Variants in DTNA observed in about 807,000 individuals in gnomAD.
DTNA encodes the protein dystrobrevin alpha.
DTNA carries 43 observed loss-of-function variants against 100.7 expected under a neutral mutation model. The ratio of observed to expected loss-of-function variants is 0.43; its 90% CI spans 0.33 to 0.55. The LOEUF is 0.55. Among genes scored for constraint, DTNA ranks in the 20% least tolerant of loss-of-function variants. DTNA has a pLI of 0.04. For synonymous variants in DTNA, 349 were observed against 347.9 expected, an observed-to-expected ratio of 1.00 and a Z score of -0.04; for missense variants, 798 against 953.9, an observed-to-expected ratio of 0.84 and a Z score of 2.15.
At chr18:34,762,223 C>A (rs769746426) in intron 2 of DTNA, among the ~76,000 whole-genome samples, 4 of 152,124 alleles carry the variant, frequency 2.6e-5, no homozygotes, top group Non-Finnish European at 5.9e-5. Context: ...ACTGCTAGAT[C>A]AGAAAAATAC....
intron 1 of DTNA, among the ~76,000 whole-genome samples, chr18:34,618,766 A>G (rs903431802): frequency 2.6e-5 from 4 of 152,218 alleles, no homozygotes; most frequent in South Asian, 2.1e-4. Context: ...CTGACCCTCA[A>G]TAATGAGGAA....
At chr18:34,560,790 G>A (rs1016249466) in intron 1 of DTNA, among the ~76,000 whole-genome samples, 8 of 151,984 alleles carry the variant, frequency 5.3e-5, no homozygotes, top group African/African-American at 7.2e-5. Context: ...GCATAGTGGC[G>A]TGTGCCTATT....
chr18:34,526,004 T>C (rs1297149779), intron 1 of DTNA, among the ~76,000 whole-genome samples: 1 of 152,128 alleles, frequency 6.6e-6, no homozygotes, highest in Non-Finnish European at 1.5e-5. Context: ...GGCAGGTACA[T>C]CCCTGAACTC....
At chr18:34,755,526 GGT>G (rs2092710869) in intron 1 of DTNA, 1 of 196,506 alleles carries the variant, frequency 5.1e-6, no homozygotes, top group Non-Finnish European at 1.0e-5. Context: ...AAGCCATACT[GGT>G]CTTAGAATCC....
chr18:34,770,768 C>T (rs1381221270), intron 3 of DTNA, among the ~76,000 whole-genome samples: 1 of 146,650 alleles, frequency 6.8e-6, no homozygotes. Context: ...TGCATACTCC[C>T]AAGAAGAATT....
Position 34,620,020 on chromosome 18 carries a change from G to A in DTNA, c.-2+126506G>A, listed in dbSNP as rs1269105458. On this transcript the variant is annotated intron_variant, in intron 1 of 19. Coordinates refer to the DTNA transcript ENST00000283365. ...GACAGAATGGTTTTACCAAAACCAA[G>A]GGAAGAACTTTTTTCAGGGAGTACT... 3.3e-5 allele frequency among the ~76,000 whole-genome samples: 5 copies of A among 152,228 alleles called. No individual in the cohort carries two copies. In the South Asian group the frequency reaches 6.2e-4, roughly 19 times the overall value.
At chr18:34,627,515 T>C (rs1311433471) in intron 1 of DTNA, among the ~76,000 whole-genome samples, 3 of 152,172 alleles carry the variant, frequency 2.0e-5, no homozygotes, top group Non-Finnish European at 4.4e-5. Context: ...ATTCAAGATA[T>C]TAAGTTTAGG....
intron 1 of DTNA, among the ~76,000 whole-genome samples, chr18:34,684,652 G>A (rs2078615547): frequency 6.6e-6 from 1 of 151,988 alleles, no homozygotes; most frequent in African/African-American, 2.4e-5. Flanking sequence ...TAATCCTTTG[G>A]GTATATACCC....
rs553462480 is a variant in DTNA at position 34,670,888 on chromosome 18, C to T, written c.-1-85088C>T. 3.9e-5 allele frequency among the ~76,000 whole-genome samples: 6 copies of T among 152,320 alleles called. No individual in the cohort carries two copies. In the East Asian group the frequency reaches 1.2e-3, roughly 29 times the overall value. The stretch of plus-strand genomic sequence containing the variant: ...GGGGTCAGGGACCCACTTGAGGAGG[C>T]AGTCTGACCGTTCTCAGATCTCAAA... On this transcript the variant is annotated intron_variant, in intron 1 of 19. Transcript: ENST00000283365.
intron 15 of DTNA, among the ~76,000 whole-genome samples, chr18:34,852,382 T>G (rs1445886864): frequency 6.6e-6 from 1 of 151,570 alleles, no homozygotes; most frequent in Non-Finnish European, 1.5e-5. Flanking sequence ...TCTCCAAACA[T>G]CCAAAGATCT....
Position 34,867,938 on chromosome 18 carries a change from T to C in DTNA, c.1743+3876T>C, listed in dbSNP as rs141463558. ...ACCCAGATGTCAGCAATACATCGTC[T>C]GGGTAGTGGCAGAGTTTGCCTATTT... On this transcript the variant is annotated intron_variant, in intron 17 of 22. Transcript: ENST00000444659. 7,033 of 985,432 alleles carry C rather than the reference T, an allele frequency of 7.1e-3. 30 individuals carry two copies. Among genetic ancestry groups the C allele is most frequent in the Middle Eastern group, 0.024 (46 of 1,914 alleles). The allele number at this position is 985,432 out of a possible 1,614,324, so 61.0% of individuals were successfully genotyped here. A position where few individuals can be genotyped will look rare whatever the true frequency, so the allele number is the denominator to read the frequency against.
chr18:34,874,062 T>C (rs149504632), intron 17 of DTNA, among the ~76,000 whole-genome samples: 79 of 152,336 alleles, frequency 5.2e-4, no homozygotes, highest in African/African-American at 1.8e-3. Flanking sequence ...TTAACAATTA[T>C]GCGTGATGCT....
intron 1 of DTNA, among the ~76,000 whole-genome samples, chr18:34,638,031 ACTT>A (rs775807121): frequency 3.3e-5 from 5 of 152,184 alleles, no homozygotes; most frequent in Non-Finnish European, 5.9e-5. Flanking sequence ...TCTCAGCATT[ACTT>A]CTTATCGTTG....
intron 10 of DTNA, among the ~76,000 whole-genome samples, chr18:34,828,822 A>C (rs1441344748): frequency 6.6e-6 from 1 of 151,826 alleles, no homozygotes; most frequent in Non-Finnish European, 1.5e-5. Context: ...TCCTTTTAGC[A>C]CTCTTTTTTA....
intron 1 of DTNA, among the ~76,000 whole-genome samples, chr18:34,532,790 A>G (rs1265942259): frequency 6.9e-6 from 1 of 144,396 alleles, no homozygotes; most frequent in African/African-American, 2.5e-5. Context: ...GTGTATGCAT[A>G]GAACGAATAG....
At chr18:34,500,935 A>G (rs776897108) in intron 1 of DTNA, among the ~76,000 whole-genome samples, 121 of 152,298 alleles carry the variant, frequency 7.9e-4, no homozygotes, top group Non-Finnish European at 1.5e-3. Flanking sequence ...TTTATAATCT[A>G]TATGCCTTTT....
rs146082092 is a variant in DTNA at position 34,676,745 on chromosome 18, A to T, written c.-1-79231A>T. On this transcript the variant is annotated intron_variant, in intron 1 of 19. Coordinates refer to the DTNA transcript ENST00000283365. Reference sequence around the variant, plus strand: ...AGCTACTCAGGAGGTTGAGATGGGAAGATTGCTTGAGCCTGGGGAGCTTGA... The same window carrying T: ...AGCTACTCAGGAGGTTGAGATGGGATGATTGCTTGAGCCTGGGGAGCTTGA... Among the ~76,000 whole-genome samples, 816 of 152,252 alleles carry T rather than the reference A, an allele frequency of 5.4e-3. 3 individuals carry two copies. Among genetic ancestry groups the T allele is most frequent in the African/African-American group, 0.018 (760 of 41,546 alleles).
At chr18:34,498,208 G>A (rs911531155) in intron 1 of DTNA, among the ~76,000 whole-genome samples, 2 of 152,120 alleles carry the variant, frequency 1.3e-5, no homozygotes, top group African/African-American at 4.8e-5. Flanking sequence ...AAGGTCAGGA[G>A]ATCGAGACCA....
At chr18:34,864,925 T>G (rs1349910316) in intron 17 of DTNA, among the ~76,000 whole-genome samples, 3 of 152,258 alleles carry the variant, frequency 2.0e-5, no homozygotes, top group African/African-American at 7.2e-5. Context: ...GGCATTCTTC[T>G]TTTAGTAAAG....
Sources: allele counts gnomAD v4.1 joint callset (sites outside exome capture counted in the v4.1 genomes callset), GRCh38; gene constraint gnomAD v4.1.1; transcripts MANE v1.5; gene names NCBI Gene and HGNC (gene_info 2026-07-23, HGNC 2026-07-21).